The following AGBL4 variants were observed in gnomAD, a reference collection of about 807,000 sequenced individuals.
AGBL4 encodes the protein AGBL carboxypeptidase 4.
AGBL4 carries 58 observed loss-of-function variants against 66.4 expected under a neutral mutation model. The observed-to-expected ratio is 0.87, with a 90% CI of 0.71 to 1.09. The LOEUF (loss-of-function observed/expected upper bound fraction) is 1.09. AGBL4 is among the 50% of genes least tolerant of loss of function. The pLI, the probability that AGBL4 is intolerant of heterozygous loss-of-function variation, is 0.00. For missense variants in AGBL4, 579 were observed against 631.0 expected (o/e 0.92, Z 0.88); for synonymous variants, 234 against 222.9 (o/e 1.05, Z -0.44).
At chr1:48,676,932 A>G (rs1421728870) in intron 6 of AGBL4, among the ~76,000 whole-genome samples, 1 of 152,112 alleles carries the variant, frequency 6.6e-6, no homozygotes, top group Non-Finnish European at 1.5e-5. Flanking sequence ...TTGTGCAGCC[A>G]CAAGGAGAAG....
At chr1:48,680,664 T>TAA (rs1373028483) in intron 6 of AGBL4, among the ~76,000 whole-genome samples, 6 of 152,354 alleles carry the variant, frequency 3.9e-5, no homozygotes, top group Middle Eastern at 3.4e-3. Flanking sequence ...TAAGTGCTGA[T>TAA]ATTTAACTCA....
chr1:49,527,150 A>G (rs1197276186), intron 3 of AGBL4: 2 of 152,078 alleles, frequency 1.3e-5, no homozygotes, highest in African/African-American at 4.8e-5. Flanking sequence ...ACCCTATATA[A>G]CTAACTGTAA....
intron 3 of AGBL4, among the ~76,000 whole-genome samples, chr1:49,428,326 C>T (rs777161776): frequency 6.6e-6 from 1 of 152,176 alleles, no homozygotes; most frequent in African/African-American, 2.4e-5. Context: ...TTGAATTTCA[C>T]ACTAGTCATG....
At chr1:49,940,811 C>A (rs1436620282) in intron 1 of AGBL4, among the ~76,000 whole-genome samples, 2 of 151,816 alleles carry the variant, frequency 1.3e-5, no homozygotes, top group Non-Finnish European at 2.9e-5. Flanking sequence ...TGTAACTAAC[C>A]TGCACATTGT....
chr1:49,021,925 T>C (rs1358433710), intron 5 of AGBL4, among the ~76,000 whole-genome samples: 2 of 152,172 alleles, frequency 1.3e-5, no homozygotes, highest in African/African-American at 4.8e-5. Context: ...GTATCATGAA[T>C]TGGAGAAACA....
chr1:49,127,071 A>T (rs1345040776), intron 4 of AGBL4, among the ~76,000 whole-genome samples: 1 of 152,224 alleles, frequency 6.6e-6, no homozygotes, highest in Admixed American at 6.6e-5. Flanking sequence ...TAGAAAACTG[A>T]ATAAACTATA....
chr1:49,610,286 G>A (rs897448573), intron 3 of AGBL4, among the ~76,000 whole-genome samples: 2 of 152,038 alleles, frequency 1.3e-5, no homozygotes, highest in African/African-American at 4.8e-5. Context: ...TTTTTACAGA[G>A]AAGAAAACTA....
intron 4 of AGBL4, among the ~76,000 whole-genome samples, chr1:49,225,692 T>G (rs1038534304): frequency 6.6e-6 from 1 of 152,182 alleles, no homozygotes; most frequent in Non-Finnish European, 1.5e-5. Flanking sequence ...CAAACTCTGG[T>G]GTGGGCCAAC....
At chr1:49,342,736 G>C (rs889992218) in intron 3 of AGBL4, among the ~76,000 whole-genome samples, 2 of 152,162 alleles carry the variant, frequency 1.3e-5, no homozygotes, top group African/African-American at 4.8e-5. Context: ...TTTGACATTT[G>C]TGTGACCTTT....
At chr1:48,828,185 C>CAAA (rs569351077) in intron 6 of AGBL4, among the ~76,000 whole-genome samples, 1 of 123,396 alleles carries the variant, frequency 8.1e-6, no homozygotes, top group Non-Finnish European at 1.6e-5. Context: ...AACTCCATCT[C>CAAA]AAAAAAAAAA....
intron 3 of AGBL4, among the ~76,000 whole-genome samples, chr1:49,572,180 A>G (rs1033642609): frequency 3.9e-5 from 6 of 152,168 alleles, no homozygotes; most frequent in African/African-American, 1.4e-4. Context: ...GTAGCATTCA[A>G]CTAAGAATAC....
At chr1:49,139,303 G>A (rs574556439) in intron 4 of AGBL4, among the ~76,000 whole-genome samples, 25 of 152,184 alleles carry the variant, frequency 1.6e-4, no homozygotes, top group African/African-American at 6.0e-4. Context: ...TGGAATCCAG[G>A]GGTCATTATT....
intron 6 of AGBL4, chr1:48,727,646 C>G: frequency 3.3e-6 from 1 of 302,838 alleles, no homozygotes; most frequent in Non-Finnish European, 6.0e-6. Flanking sequence ...TATCCCCCTC[C>G]AAGAAGAGTG....
intron 2 of AGBL4, among the ~76,000 whole-genome samples, chr1:49,839,701 T>G (rs1483648379): frequency 1.3e-5 from 2 of 152,188 alleles, no homozygotes; most frequent in African/African-American, 4.8e-5. Flanking sequence ...AGGGGACCCA[T>G]GTTGAGGACC....
chr1:48,540,148 T>C (rs916257911), intron 11 of AGBL4, among the ~76,000 whole-genome samples: 2 of 152,106 alleles, frequency 1.3e-5, no homozygotes, highest in Non-Finnish European at 2.9e-5. Flanking sequence ...ACAAGAGACA[T>C]TTGTTGCATA....
chr1:49,306,761 T>G (rs1360589976), intron 3 of AGBL4, among the ~76,000 whole-genome samples: 5 of 152,216 alleles, frequency 3.3e-5, no homozygotes, highest in African/African-American at 1.2e-4. Flanking sequence ...ATGACAGTGT[T>G]ATTCATCTGG....
intron 1 of AGBL4, among the ~76,000 whole-genome samples, chr1:49,902,511 G>A (rs544094362): frequency 5.3e-5 from 8 of 152,304 alleles, no homozygotes; most frequent in African/African-American, 9.6e-5. Flanking sequence ...CACTTTGGGA[G>A]GCCAAGATGG....
At chr1:48,992,011 A>G (rs1361975809) in intron 5 of AGBL4, among the ~76,000 whole-genome samples, 1 of 152,016 alleles carries the variant, frequency 6.6e-6, no homozygotes, top group Non-Finnish European at 1.5e-5. Context: ...TCATTTGGTG[A>G]GGTCATGTTT....
At chr1:49,083,432 G>T (rs554234654) in intron 4 of AGBL4, among the ~76,000 whole-genome samples, 4 of 152,328 alleles carry the variant, frequency 2.6e-5, no homozygotes, top group African/African-American at 7.2e-5. Flanking sequence ...ACACCTGCAG[G>T]CTCAACACCA....
Sources: gnomAD v4.1 joint callset for allele counts (sites outside exome capture counted in the v4.1 genomes callset) on GRCh38, gnomAD v4.1.1 for gene constraint, MANE v1.5 for transcripts, NCBI Gene and HGNC (gene_info 2026-07-23, HGNC 2026-07-21) for gene names.